The following SELENOO variants were observed in gnomAD, a reference collection of about 807,000 sequenced individuals.
SELENOO encodes the protein selenoprotein O.
SELENOO carries 74 observed loss-of-function variants against 58.7 expected under a neutral mutation model. That is an observed-to-expected ratio of 1.26 (90% CI 1.04 to 1.53). The LOEUF (loss-of-function observed/expected upper bound fraction) is 1.53, where lower values mean the gene tolerates loss of function less well. Ranked by LOEUF, SELENOO falls within the 40% of genes most tolerant of loss-of-function variation. The pLI is 0.00. For missense variants in SELENOO, 1,149 were observed against 970.0 expected (o/e 1.18, Z -2.45); for synonymous variants, 543 against 453.2 (o/e 1.20, Z -2.52).
chr22:50,217,059 G>T lies in SELENOO; in HGVS notation c.1776G>T (p.Pro592=). 6.2e-7 allele frequency: 1 copy of T among 1,612,748 alleles called. No individual in the cohort carries two copies. Among genetic ancestry groups the T allele is most frequent in the Non-Finnish European group, 8.5e-7 (1 of 1,179,960 alleles). The change falls in exon 8 of 9, where the codon CCG becomes CCT. Residue 592 remains proline, a synonymous_variant. Transcript: ENST00000380903. ...EHVRVMHANN[P]KYVLRNYIAQ... ...TGCGCGTGATGCACGCCAACAACCC[G>T]AAGTACGTGCTGAGGAACTACATCG... is the stretch of plus-strand genomic sequence containing the variant.
intron 6 of SELENOO, 82 bp from the exon 7 acceptor site, chr22:50,216,609 G>A (rs527589749): frequency 1.4e-4 from 190 of 1,316,466 alleles, no homozygotes; most frequent in Non-Finnish European, 7.9e-5. Flanking sequence ...CCGTGAGAGC[G>A]GGCTGGGGCA....
chr22:50,216,748 G>A lies in SELENOO; in HGVS notation c.1560G>A (p.Met520Ile), dbSNP rs1182685977. The A allele has an allele frequency of 6.2e-7, 1 of 1,607,118 alleles. No homozygotes were observed. The highest frequency in any genetic ancestry group is 2.2e-5 in the East Asian group (1 of 44,784). The change falls in exon 7 of 9, where the codon ATG (methionine) becomes ATA (isoleucine). Residue 520 changes from methionine (M) to isoleucine (I), a missense_variant. Coordinates refer to ENST00000380903, the MANE Select transcript of SELENOO (RefSeq NM_031454.2). ...CAAACCCGCAGCTGTTCGCGCTTATGGGCACCCGGGCAGGCATCGCCAGGG... is the reference window on the plus strand; with the variant it reads ...CAAACCCGCAGCTGTTCGCGCTTATAGGCACCCGGGCAGGCATCGCCAGGG... Reference protein sequence around the residue: ...AQSNPQLFALMGTRAGIAREL... With the variant: ...AQSNPQLFALIGTRAGIAREL...
At position 50,209,999 on chromosome 22, in the gene SELENOO, G is replaced by A. The variant is rs550148639; in HGVS notation, c.940-182G>A. 4.6e-5 allele frequency among the ~76,000 whole-genome samples: 7 copies of A among 152,350 alleles called. No individual in the cohort carries two copies. The East Asian group carries it at 5.8e-4, about 13-fold the overall frequency. On this transcript the variant is annotated intron_variant, in intron 3 of 8. Transcript: ENST00000380903. ...AAAGAGTGGATGCTGTGAGTGCAAC[G>A]CACTCTTCATCGCCACCTTGTGGTT...
chr22:50,214,120 C>T (rs1036184015), intron 5 of SELENOO, among the ~76,000 whole-genome samples: 6 of 151,910 alleles, frequency 3.9e-5, no homozygotes, highest in African/African-American at 1.5e-4. Flanking sequence ...CTCTTTTATC[C>T]ATATATAATG....
At chr22:50,210,937 C>G (rs1000016390) in intron 5 of SELENOO, 26 bp downstream of exon 5, 1 of 1,613,076 alleles carries the variant, frequency 6.2e-7, no homozygotes, top group Non-Finnish European at 8.5e-7. Context: ...GTGCCCACAG[C>G]AAGGCGCCTC....
At chr22:50,207,644 G>A (rs2064341272) in intron 2 of SELENOO, among the ~76,000 whole-genome samples, 1 of 150,702 alleles carries the variant, frequency 6.6e-6, no homozygotes, top group East Asian at 2.0e-4. Context: ...CAGCGGCAAT[G>A]CTGGCATTGT....
rs770312822 is a variant in SELENOO at position 50,216,911 on chromosome 22, G to A, written c.1688+35G>A. The A allele has an allele frequency of 3.3e-5, 53 of 1,601,884 alleles. 1 individual carries two copies. The highest frequency in any genetic ancestry group is 1.8e-4 in the South Asian group (16 of 90,948). On this transcript the variant is annotated intron_variant, in intron 7 of 8. Coordinates refer to ENST00000380903, the MANE Select transcript of SELENOO (RefSeq NM_031454.2). ...GCGTCCATGGTCACCGGGGGACGGC[G>A]GGTCGCGTGCTGGAAAAAGTCCAGC...
intron 6 of SELENOO, among the ~76,000 whole-genome samples, chr22:50,216,211 G>A (rs2064409492): frequency 6.6e-6 from 1 of 152,244 alleles, no homozygotes; most frequent in African/African-American, 2.4e-5. Context: ...TGTCTGAAGA[G>A]TCCCGCCCAC....
intron 2 of SELENOO, among the ~76,000 whole-genome samples, chr22:50,207,350 C>A (rs1416587869): frequency 6.6e-6 from 1 of 152,126 alleles, no homozygotes; most frequent in Non-Finnish European, 1.5e-5. Context: ...TCTCGAACTC[C>A]TGACCTCTGG....
At chr22:50,206,267 T>TG in intron 1 of SELENOO, 50 bp from the exon 2 acceptor site, 2 of 1,529,250 alleles carry the variant, frequency 1.3e-6, no homozygotes, top group Non-Finnish European at 1.8e-6. Flanking sequence ...ATCCTGGTGT[T>TG]GGGTGACCTC....
At chr22:50,208,507 G>C (rs5771102) in intron 2 of SELENOO, 29 bp from the exon 3 acceptor site, 979,928 of 1,602,156 alleles carry the variant, frequency 0.61, 302,800 homozygotes, top group African/African-American at 0.82. Context: ...TCAGGTTTGG[G>C]CTGTTGACGC....
chr22:50,215,953 C>G, intron 6 of SELENOO, 86 bp downstream of exon 6: 1 of 1,293,092 alleles, frequency 7.7e-7, no homozygotes, highest in Non-Finnish European at 1.1e-6. Context: ...AAGCTAGAGA[C>G]AGAGCTGGCT....
rs556582757 is a variant in SELENOO, at chr22:50,208,291, G to A, written c.759-245G>A. 1.0e-3 allele frequency among the ~76,000 whole-genome samples: 154 copies of A among 152,196 alleles called. 2 individuals are homozygous for A. Among genetic ancestry groups the A allele is most frequent in the Non-Finnish European group, 2.9e-4 (20 of 67,998 alleles). On this transcript the variant is annotated intron_variant, in intron 2 of 8. Coordinates refer to ENST00000380903, the MANE Select transcript of SELENOO (RefSeq NM_031454.2). ...CTAAAAATACAAAAATTAGCTGGGCGTGGTGGCGTGTGCCTGTAATCCCAG... is the reference window on the plus strand; with the variant it reads ...CTAAAAATACAAAAATTAGCTGGGCATGGTGGCGTGTGCCTGTAATCCCAG...
At chr22:50,210,938 A>C in intron 5 of SELENOO, 27 bp downstream of exon 5, 1 of 1,613,378 alleles carries the variant, frequency 6.2e-7, no homozygotes, top group South Asian at 1.1e-5. Flanking sequence ...TGCCCACAGC[A>C]AGGCGCCTCC....
chr22:50,216,493 C>T (rs1825361595), intron 6 of SELENOO, among the ~76,000 whole-genome samples, 198 bp from the exon 7 acceptor site: 1 of 152,234 alleles, frequency 6.6e-6, no homozygotes, highest in Non-Finnish European at 1.5e-5. Context: ...AGGGCCTTGG[C>T]CGAGCATGGG....
Position 50,217,384 on chromosome 22 carries a change from T to C in SELENOO, c.*15T>C. The C allele has an allele frequency of 6.2e-7, 1 of 1,611,930 alleles. No individual in the cohort carries two copies. On this transcript the variant is annotated 3_prime_UTR_variant, in exon 9 of 9. Transcript: ENST00000380903. ...GATCTTCGTAACGGCCTCGGCACGC[T>C]CCACACCCCTGGAGTCTCCCGAGGC...
At chr22:50,207,703 G>A (rs1373828713) in intron 2 of SELENOO, among the ~76,000 whole-genome samples, 1 of 147,708 alleles carries the variant, frequency 6.8e-6, no homozygotes, top group African/African-American at 2.5e-5. Flanking sequence ...TGGGCCCGCT[G>A]GTTGCCAGTA....
chr22:50,215,638 G>GA, intron 5 of SELENOO, 79 bp from the exon 6 acceptor site: 2 of 478,212 alleles, frequency 4.2e-6, no homozygotes, highest in Non-Finnish European at 5.5e-6. Flanking sequence ...AGGGGGGTGG[G>GA]GGGGGGGGGG....
chr22:50,211,860 C>T (rs1459648978), intron 5 of SELENOO, among the ~76,000 whole-genome samples: 2 of 152,198 alleles, frequency 1.3e-5, no homozygotes, highest in African/African-American at 4.8e-5. Flanking sequence ...CCCGCCACCA[C>T]ACCCGGCTAA....
Sources: allele counts gnomAD v4.1 joint callset (sites outside exome capture counted in the v4.1 genomes callset), GRCh38; gene constraint gnomAD v4.1.1; transcripts MANE v1.5; gene names NCBI Gene and HGNC (gene_info 2026-07-23, HGNC 2026-07-21).